The following GAP43 variants were observed in gnomAD, a reference collection of about 807,000 sequenced individuals.
GAP43 encodes the protein growth associated protein 43, also known as neuromodulin.
A neutral mutation model predicts 18.6 loss-of-function variants in GAP43; 6 were observed. The observed-to-expected ratio is 0.32, with a 90% confidence interval of 0.18 to 0.64. GAP43 has a LOEUF of 0.64. GAP43 is among the 30% of genes least tolerant of loss of function. The pLI is 0.78. For missense variants in GAP43, 292 were observed against 295.5 expected, an observed-to-expected ratio of 0.99 and a Z score of 0.09; for synonymous variants, 115 against 111.4, an observed-to-expected ratio of 1.03 and a Z score of -0.20.
rs1221666580 is a variant in GAP43, at chr3:115,683,134, TGCGC to T, written c.628+6535_628+6538del. Among the ~76,000 whole-genome samples, 463 of 105,596 alleles carry T rather than the reference TGCGC, an allele frequency of 4.4e-3. 3 individuals are homozygous for T. Among genetic ancestry groups the T allele is most frequent in the African/African-American group, 0.011 (383 of 33,428 alleles). 69.3% of individuals were successfully genotyped at this position (105,596 alleles called of 152,430 possible). A position where few individuals can be genotyped will look rare whatever the true frequency, so the allele number is the denominator to read the frequency against. On this transcript the variant is annotated intron_variant, in intron 2 of 2. Coordinates refer to ENST00000305124, the MANE Select transcript of GAP43 (RefSeq NM_002045.4). ...TTCTCTACATACATGTGCGCGCGCG[TGCGC>T]GCGCGCGCGCACACACACACACACA...
chr3:115,673,427 G>A (rs139503357), intron 1 of GAP43, among the ~76,000 whole-genome samples: 127 of 152,270 alleles, frequency 8.3e-4, no homozygotes, highest in Middle Eastern at 3.4e-3. Flanking sequence ...TGAGTCACTA[G>A]AGAGTCTTTT....
At chr3:115,713,877 G>A (rs1460169473) in intron 2 of GAP43, among the ~76,000 whole-genome samples, 1 of 152,130 alleles carries the variant, frequency 6.6e-6, no homozygotes, top group Non-Finnish European at 1.5e-5. Context: ...AAACTACTAT[G>A]GTTTTTCCTT....
intron 2 of GAP43, among the ~76,000 whole-genome samples, chr3:115,679,133 C>T (rs1033463182): frequency 4.0e-5 from 6 of 151,862 alleles, no homozygotes; most frequent in African/African-American, 7.3e-5. Flanking sequence ...CCATGGGTTG[C>T]TTTAGGATTC....
At chr3:115,692,658 G>C (rs1012730259) in intron 2 of GAP43, among the ~76,000 whole-genome samples, 6 of 152,188 alleles carry the variant, frequency 3.9e-5, no homozygotes, top group Non-Finnish European at 7.3e-5. Flanking sequence ...CCAGTGAGGA[G>C]AAGGTAGGGT....
At chr3:115,642,478 T>C (rs1457962309) in intron 1 of GAP43, among the ~76,000 whole-genome samples, 1 of 151,864 alleles carries the variant, frequency 6.6e-6, no homozygotes, top group African/African-American at 2.4e-5. Context: ...GACATATGTG[T>C]GTCGATTTAA....
chr3:115,686,703 AATT>A lies in GAP43; in HGVS notation c.628+10099_628+10101del, dbSNP rs542762484. On this transcript the variant is annotated intron_variant, in intron 2 of 2. Transcript: ENST00000305124. ...TTTCTCATGATTAACTTAGTTTGAAAATTATTATGTTCTTTCATAAGAAAAGAA... is the reference window on the plus strand; with the variant it reads ...TTTCTCATGATTAACTTAGTTTGAAAATTATGTTCTTTCATAAGAAAAGAA... Among the ~76,000 whole-genome samples the A allele has an allele frequency of 2.4e-3, 372 of 152,302 alleles. 1 individual carries two copies. Among genetic ancestry groups the A allele is most frequent in the Middle Eastern group, 6.8e-3 (2 of 294 alleles).
intron 2 of GAP43, among the ~76,000 whole-genome samples, chr3:115,695,190 A>G (rs1354425599): frequency 6.6e-6 from 1 of 152,216 alleles, no homozygotes; most frequent in African/African-American, 2.4e-5. Context: ...CCTTAAATGC[A>G]TTAAATACTC....
At chr3:115,683,145 GCGCACACACA>G (rs1243242738) in intron 2 of GAP43, among the ~76,000 whole-genome samples, 23 of 105,486 alleles carry the variant, frequency 2.2e-4, no homozygotes, top group South Asian at 1.0e-3. Context: ...GCGCGCGCGC[GCGCACACACA>G]CACACACACA....
chr3:115,649,823 A>AAAGG (rs1559791969), intron 1 of GAP43, among the ~76,000 whole-genome samples: 1 of 13,272 alleles, frequency 7.5e-5, no homozygotes, highest in African/African-American at 1.8e-4. Context: ...AAAAAAAAAA[A>AAAGG]AAGAAAGAAA....
chr3:115,651,724 C>T (rs2107475542), intron 1 of GAP43, among the ~76,000 whole-genome samples: 1 of 152,032 alleles, frequency 6.6e-6, no homozygotes, highest in African/African-American at 2.4e-5. Context: ...TCTGTTCTTC[C>T]CTCCCTCCCC....
At chr3:115,648,466 T>C (rs749338554) in intron 1 of GAP43, among the ~76,000 whole-genome samples, 1 of 152,134 alleles carries the variant, frequency 6.6e-6, no homozygotes, top group Non-Finnish European at 1.5e-5. Flanking sequence ...GAGAAATAAA[T>C]ATGATTATAA....
At chr3:115,719,203 A>T (rs1709547000) in intron 2 of GAP43, among the ~76,000 whole-genome samples, 1 of 152,136 alleles carries the variant, frequency 6.6e-6, no homozygotes, top group Non-Finnish European at 1.5e-5. Context: ...AGTTGTTAAG[A>T]GGAGGACAAG....
In GAP43 at chr3:115,715,079, C is replaced by G. The variant is rs144352299; in HGVS notation, c.629-5715C>G. 2.6e-3 allele frequency among the ~76,000 whole-genome samples: 388 copies of G among 152,140 alleles called. 1 individual carries two copies. The highest frequency in any genetic ancestry group is 9.0e-3 in the African/African-American group (375 of 41,494). ...AAGACACTAATCCCAGTCATGAGTC[C>G]GCTACCCTCATGATTTAACCACCTC... On this transcript the variant is annotated intron_variant, in intron 2 of 2. Transcript: ENST00000305124.
intron 1 of GAP43, among the ~76,000 whole-genome samples, chr3:115,650,107 G>A (rs867924214): frequency 2.0e-5 from 3 of 152,128 alleles, no homozygotes; most frequent in Non-Finnish European, 4.4e-5. Flanking sequence ...GCTTGCAAAC[G>A]TCCAGGAGTG....
At position 115,676,469 on chromosome 3, in the gene GAP43, G is replaced by A. The variant is rs1465340469; in HGVS notation, c.487G>A (p.Glu163Lys). The A allele has an allele frequency of 6.2e-7, 1 of 1,614,108 alleles. No individual in the cohort carries two copies. The highest frequency in any genetic ancestry group is 8.5e-7 in the Non-Finnish European group (1 of 1,180,016). ...SSKAEDAPAK[E>K]EPKQADVPAA... Reference sequence around the variant, plus strand: ...CAAGGCTGAAGATGCCCCAGCCAAGGAGGAGCCTAAACAAGCCGATGTGCC... The same window carrying A: ...CAAGGCTGAAGATGCCCCAGCCAAGAAGGAGCCTAAACAAGCCGATGTGCC... The change falls in exon 2 of 3, where the codon GAG (glutamate) becomes AAG (lysine). Residue 163 changes from glutamate (E) to lysine (K), a missense_variant. Transcript: ENST00000305124.
chr3:115,693,753 T>C (rs1484421547), intron 2 of GAP43, among the ~76,000 whole-genome samples: 3 of 148,162 alleles, frequency 2.0e-5, no homozygotes, highest in East Asian at 4.0e-4. Flanking sequence ...TGTGTGCAAA[T>C]TGGTAATGGA....
At chr3:115,651,911 A>G (rs1345414643) in intron 1 of GAP43, among the ~76,000 whole-genome samples, 2 of 152,096 alleles carry the variant, frequency 1.3e-5, no homozygotes, top group African/African-American at 4.8e-5. Context: ...TCCTCCTCTA[A>G]GCTGGTTTTA....
At chr3:115,643,494 A>G (rs188572385) in intron 1 of GAP43, among the ~76,000 whole-genome samples, 1 of 152,210 alleles carries the variant, frequency 6.6e-6, no homozygotes, top group Admixed American at 6.6e-5. Context: ...GTAGTCAGAA[A>G]TCAGGAGCAA....
chr3:115,703,942 A>G (rs1577000610), intron 2 of GAP43, among the ~76,000 whole-genome samples: 2 of 152,238 alleles, frequency 1.3e-5, no homozygotes, highest in Admixed American at 1.3e-4. Context: ...AAATACTAAT[A>G]TCACTTTTTC....
Sources: gnomAD v4.1 joint callset for allele counts (sites outside exome capture counted in the v4.1 genomes callset) on GRCh38, gnomAD v4.1.1 for gene constraint, MANE v1.5 for transcripts, NCBI Gene and HGNC (gene_info 2026-07-23, HGNC 2026-07-21) for gene names.